The following TTBK2 variants were observed in gnomAD, a reference collection of about 807,000 sequenced individuals.
TTBK2 encodes the protein tau-tubulin kinase 2.
TTBK2 carries 28 observed loss-of-function variants against 110.8 expected under a neutral mutation model. That is an observed-to-expected ratio of 0.25 (90% CI 0.19 to 0.35). The LOEUF (loss-of-function observed/expected upper bound fraction) is 0.35, where lower values mean the gene tolerates loss of function less well. TTBK2 is among the 10% of genes least tolerant of loss of function. TTBK2 has a pLI of 1.00. For synonymous variants in TTBK2, 532 were observed against 527.3 expected (o/e 1.01, Z -0.12); for missense variants, 1,369 against 1,500.3 (o/e 0.91, Z 1.45).
At chr15:42,878,261 C>T (rs1185612408) in intron 2 of TTBK2, among the ~76,000 whole-genome samples, 2 of 151,470 alleles carry the variant, frequency 1.3e-5, no homozygotes, top group African/African-American at 4.9e-5. Context: ...GGATTATAGG[C>T]GAGAGCCACT....
At chr15:42,915,687 C>G (rs1331950239) in intron 1 of TTBK2, among the ~76,000 whole-genome samples, 2 of 152,132 alleles carry the variant, frequency 1.3e-5, no homozygotes, top group Admixed American at 1.3e-4. Context: ...TGCCTCATGC[C>G]TATAATTCCT....
chr15:42,763,144 A>G (rs1164074829), intron 13 of TTBK2, among the ~76,000 whole-genome samples: 11 of 73,420 alleles, frequency 1.5e-4, no homozygotes, highest in African/African-American at 5.8e-4. Flanking sequence ...ATATACATAC[A>G]TATATATATA....
At chr15:42,760,649 A>G (rs1249792639) in intron 13 of TTBK2, among the ~76,000 whole-genome samples, 1 of 152,182 alleles carries the variant, frequency 6.6e-6, no homozygotes, top group African/African-American at 2.4e-5. Context: ...TACAAGTAAA[A>G]CCAGAAAATA....
intron 13 of TTBK2, among the ~76,000 whole-genome samples, chr15:42,768,196 C>G (rs1595890846): frequency 2.0e-5 from 3 of 152,200 alleles, no homozygotes; most frequent in African/African-American, 7.2e-5. Flanking sequence ...CCTTTGAAAA[C>G]TGGCACAAGA....
chr15:42,828,988 G>A (rs1892644976), intron 5 of TTBK2, among the ~76,000 whole-genome samples: 1 of 151,960 alleles, frequency 6.6e-6, no homozygotes, highest in South Asian at 2.1e-4. Context: ...GTTCTACTTA[G>A]GGGCTTTCTG....
At chr15:42,791,287 G>A (rs1481174592) in intron 10 of TTBK2, among the ~76,000 whole-genome samples, 1 of 152,120 alleles carries the variant, frequency 6.6e-6, no homozygotes, top group African/African-American at 2.4e-5. Flanking sequence ...CAAACTGCTG[G>A]GATTACAAGT....
At chr15:42,756,337 G>A (rs887300785) in intron 13 of TTBK2, among the ~76,000 whole-genome samples, 1 of 152,110 alleles carries the variant, frequency 6.6e-6, no homozygotes, top group Non-Finnish European at 1.5e-5. Context: ...TGTAATCCCA[G>A]CACTTTGGGA....
At chr15:42,763,127 TATAC>T (rs1204585251) in intron 13 of TTBK2, among the ~76,000 whole-genome samples, 6 of 100,904 alleles carry the variant, frequency 5.9e-5, no homozygotes, top group African/African-American at 1.0e-4. Flanking sequence ...TACACATATA[TATAC>T]ATATATACAT....
chr15:42,752,733 T>C lies in TTBK2; in HGVS notation c.2513A>G (p.Asp838Gly), dbSNP rs1294933362. 1 of 1,614,204 alleles carries C rather than the reference T, an allele frequency of 6.2e-7. No homozygotes were observed. The highest frequency in any genetic ancestry group is 8.5e-7 in the Non-Finnish European group (1 of 1,180,038). ...TQTFSVVPNQ[D>G]KNNEIMKLLT... Reference sequence around the variant, plus strand: ...AAGCTTCATTATCTCATTATTTTTGTCTTGATTTGGCACCACACTAAAAGT... The same window carrying C: ...AAGCTTCATTATCTCATTATTTTTGCCTTGATTTGGCACCACACTAAAAGT... Residue 838 changes from aspartate (D) to glycine (G), a missense_variant, in exon 14 of 15, where the codon GAC becomes GGC. Transcript: ENST00000267890.
intron 11 of TTBK2, among the ~76,000 whole-genome samples, chr15:42,782,019 G>A (rs1373669249): frequency 3.3e-5 from 5 of 151,954 alleles, no homozygotes; most frequent in Admixed American, 6.6e-5. Context: ...TCTCCTAGAT[G>A]ACCAATAAAT....
intron 7 of TTBK2, among the ~76,000 whole-genome samples, chr15:42,814,065 G>A (rs1199268329): frequency 5.9e-5 from 9 of 151,850 alleles, no homozygotes; most frequent in Non-Finnish European, 7.4e-5. Context: ...TCGTCAGCCC[G>A]GGCTGGAGTG....
chr15:42,802,351 G>T (rs1267068237), intron 9 of TTBK2: 1 of 769,448 alleles, frequency 1.3e-6, no homozygotes, highest in African/African-American at 1.7e-5. Flanking sequence ...GCTGTTAAAG[G>T]CCTGGGGGCC....
At position 42,771,726 on chromosome 15, in the gene TTBK2, T is replaced by C. The variant is rs139155415; in HGVS notation, c.1998+3409A>G. Among the ~76,000 whole-genome samples the C allele has an allele frequency of 1.1e-4, 17 of 152,342 alleles. No individual in the cohort carries two copies. In the South Asian group the frequency reaches 1.5e-3, roughly 13 times the overall value. ...GGTACTGTTCCTTCTTTGTGCATTA[T>C]TTTAAACCCCCTTTCCTTTTCTCGA... On this transcript the variant is annotated intron_variant, in intron 13 of 14. Transcript: ENST00000267890.
chr15:42,808,034 A>C (rs1412381064), intron 9 of TTBK2, among the ~76,000 whole-genome samples: 1 of 152,238 alleles, frequency 6.6e-6, no homozygotes, highest in East Asian at 1.9e-4. Flanking sequence ...TTTAAAAGCT[A>C]GTTAGGAAAA....
At chr15:42,901,677 T>C (rs1024351570) in intron 1 of TTBK2, among the ~76,000 whole-genome samples, 1 of 151,040 alleles carries the variant, frequency 6.6e-6, no homozygotes, top group Non-Finnish European at 1.5e-5. Flanking sequence ...CAAAGAATAC[T>C]ATCAACAGAG....
At chr15:42,870,139 A>G (rs936830454) in intron 3 of TTBK2, among the ~76,000 whole-genome samples, 7 of 152,020 alleles carry the variant, frequency 4.6e-5, no homozygotes, top group Non-Finnish European at 8.8e-5. Context: ...GTGCCACTGC[A>G]CTCCAGCCTG....
chr15:42,753,888 C>T (rs2061904393), intron 13 of TTBK2, among the ~76,000 whole-genome samples: 1 of 152,028 alleles, frequency 6.6e-6, no homozygotes, highest in South Asian at 2.1e-4. Context: ...TTTGAGTATG[C>T]CATCTATTTT....
At chr15:42,891,154 G>A (rs1006673834) in intron 1 of TTBK2, among the ~76,000 whole-genome samples, 16 of 148,154 alleles carry the variant, frequency 1.1e-4, no homozygotes, top group Admixed American at 7.4e-4. Flanking sequence ...GATTACAGGC[G>A]TGAGCCACCA....
intron 1 of TTBK2, among the ~76,000 whole-genome samples, chr15:42,909,939 T>G (rs2030651896): frequency 6.6e-6 from 1 of 152,108 alleles, no homozygotes; most frequent in African/African-American, 2.4e-5. Flanking sequence ...GAGGATCACT[T>G]GAGCCCAGAA....
Sources: allele counts gnomAD v4.1 joint callset (sites outside exome capture counted in the v4.1 genomes callset), GRCh38; gene constraint gnomAD v4.1.1; transcripts MANE v1.5; gene names NCBI Gene and HGNC (gene_info 2026-07-23, HGNC 2026-07-21).